The following TPX2 variants were observed in gnomAD, a reference collection of about 807,000 sequenced individuals.
TPX2 encodes TPX2 microtubule nucleation factor.
TPX2 carries 21 observed loss-of-function variants against 93.6 expected under a neutral mutation model. The ratio of observed to expected loss-of-function variants is 0.22; its 90% confidence interval spans 0.16 to 0.32. The LOEUF (loss-of-function observed/expected upper bound fraction) is 0.32. Among genes scored for constraint, TPX2 ranks in the 10% least tolerant of loss-of-function variants. The probability of loss-of-function intolerance (pLI) is 1.00; values close to 1 mark genes in which losing one functional copy is unlikely to be tolerated. For missense variants in TPX2, 776 were observed against 871.1 expected, an observed-to-expected ratio of 0.89 and a Z score of 1.37; for synonymous variants, 281 against 298.3, an observed-to-expected ratio of 0.94 and a Z score of 0.60.
chr20:31,754,054 T>C (rs2061836668), intron 2 of TPX2, among the ~76,000 whole-genome samples: 1 of 151,618 alleles, frequency 6.6e-6, no homozygotes, highest in African/African-American at 2.4e-5. Flanking sequence ...ACAACAACAA[T>C]AACAGATGTT....
At position 31,766,682 on chromosome 20, in the gene TPX2, G is replaced by GGTAA. The variant is rs779758544; in HGVS notation, c.356+2_356+5dup. 1.6e-5 allele frequency: 26 copies of GGTAA among 1,610,136 alleles called. No individual in the cohort carries two copies. The highest frequency in any genetic ancestry group is 1.7e-4 in the Middle Eastern group (1 of 6,052). ...AGAAAAACTCCAGCCCAGCCTCAGA[G>GGTAA]GTAAGACTTTGGAATCTCAAAGTGG... is the stretch of plus-strand genomic sequence containing the variant. On this transcript the variant is annotated stop_gained and frameshift_variant and splice_region_variant. Transcript: ENST00000300403. LOFTEE classifies it high-confidence loss of function.
chr20:31,788,877 T>A (rs570165534), intron 12 of TPX2, among the ~76,000 whole-genome samples: 33 of 152,272 alleles, frequency 2.2e-4, no homozygotes, highest in African/African-American at 5.5e-4. Context: ...CAGGCTTTTT[T>A]AAAATATATA....
At chr20:31,763,987 C>T (rs2061907672) in intron 4 of TPX2, among the ~76,000 whole-genome samples, 1 of 151,590 alleles carries the variant, frequency 6.6e-6, no homozygotes, top group African/African-American at 2.4e-5. Flanking sequence ...CCACTGTACT[C>T]CAGCCTGGGC....
At chr20:31,751,626 C>T (rs1028766510) in intron 2 of TPX2, among the ~76,000 whole-genome samples, 1 of 152,168 alleles carries the variant, frequency 6.6e-6, no homozygotes, top group Non-Finnish European at 1.5e-5. Flanking sequence ...GAATTAGTGA[C>T]TTGCCTATTG....
intron 2 of TPX2, among the ~76,000 whole-genome samples, chr20:31,751,439 C>T (rs2061818930): frequency 6.6e-6 from 1 of 152,062 alleles, no homozygotes; most frequent in African/African-American, 2.4e-5. Context: ...AAATTTCCTC[C>T]TTGCAGCAAG....
At chr20:31,776,360 G>A (rs932033607) in intron 8 of TPX2, among the ~76,000 whole-genome samples, 1 of 151,826 alleles carries the variant, frequency 6.6e-6, no homozygotes, top group East Asian at 2.0e-4. Flanking sequence ...GATTACAGGC[G>A]TGAGCCACCG....
intron 15 of TPX2, among the ~76,000 whole-genome samples, chr20:31,794,965 C>CG (rs2062128035): frequency 6.6e-6 from 1 of 151,612 alleles, no homozygotes; most frequent in Non-Finnish European, 1.5e-5. Flanking sequence ...GGACTACAGA[C>CG]GCCCACCACC....
chr20:31,800,816 G>A (rs1413620316), intron 17 of TPX2, among the ~76,000 whole-genome samples, 154 bp from the exon 18 acceptor site: 1 of 152,154 alleles, frequency 6.6e-6, no homozygotes, highest in Non-Finnish European at 1.5e-5. Context: ...CCATCATACC[G>A]TGTTGCCCCC....
At chr20:31,767,795 A>G (rs1205406406) in intron 5 of TPX2, among the ~76,000 whole-genome samples, 1 of 151,762 alleles carries the variant, frequency 6.6e-6, no homozygotes, top group Non-Finnish European at 1.5e-5. Context: ...CAAGCAATCC[A>G]CCCACCTATG....
At chr20:31,766,758 A>T in intron 5 of TPX2, 76 bp downstream of exon 5, 27 of 1,151,358 alleles carry the variant, frequency 2.3e-5, no homozygotes, top group Non-Finnish European at 3.1e-5. Context: ...AACATCTATT[A>T]TGTGTCTATA....
chr20:31,763,367 A>T (rs2061902312), intron 4 of TPX2, among the ~76,000 whole-genome samples: 1 of 152,060 alleles, frequency 6.6e-6, no homozygotes, highest in African/African-American at 2.4e-5. Context: ...TTTAATAGAG[A>T]TGGAGTTTCA....
At chr20:31,798,283 TG>T in intron 16 of TPX2, 81 bp from the exon 17 acceptor site, 1 of 1,549,070 alleles carries the variant, frequency 6.5e-7, no homozygotes. Flanking sequence ...TGTGCATGTC[TG>T]TGCCACTTGC....
chr20:31,775,398 A>G (rs541658131), intron 7 of TPX2, among the ~76,000 whole-genome samples: 3 of 148,996 alleles, frequency 2.0e-5, no homozygotes, highest in Non-Finnish European at 4.5e-5. Context: ...TTTTTTTGAG[A>G]TGGAGTCTCG....
chr20:31,776,595 C>T (rs549154304), intron 8 of TPX2, among the ~76,000 whole-genome samples: 61 of 151,440 alleles, frequency 4.0e-4, no homozygotes, highest in Non-Finnish European at 5.0e-4. Context: ...GCGTGATCTC[C>T]GCTCAACACA....
At chr20:31,753,855 A>G (rs901734468) in intron 2 of TPX2, among the ~76,000 whole-genome samples, 1 of 152,084 alleles carries the variant, frequency 6.6e-6, no homozygotes. Context: ...GTGAAACCCC[A>G]TCTCTACTAA....
In TPX2 at chr20:31,766,579, G is replaced by A. The variant is rs1368516243; in HGVS notation, c.253G>A (p.Ala85Thr). The part of the protein sequence containing the change: ...KPVDNTYYKE[A>T]EKENLVEQSI... ...AGTTGACAACACTTACTACAAAGAG[G>A]CAGAAAAAGAAAATCTTGTGGAACA... is the stretch of plus-strand genomic sequence containing the variant. Residue 85 changes from alanine (A) to threonine (T), a missense_variant, in exon 5 of 18, where the codon GCA becomes ACA. By Grantham distance (58) the Ala-to-Thr change is moderately conservative (BLOSUM62 0). Around this residue, in one of 3 missense-constraint regions of TPX2, gnomAD observed 279 missense variants for 261.6 expected, o/e 1.07. Transcript: ENST00000300403. The A allele has an allele frequency of 1.2e-6, 2 of 1,609,862 alleles. No homozygotes were observed. The highest frequency in any genetic ancestry group is 2.2e-5 in the South Asian group (2 of 90,832).
chr20:31,750,575 C>T (rs1327898981), intron 2 of TPX2, among the ~76,000 whole-genome samples: 2 of 151,966 alleles, frequency 1.3e-5, no homozygotes, highest in East Asian at 1.9e-4. Flanking sequence ...AAGCGATTCT[C>T]CTGCCTCAGC....
intron 6 of TPX2, 45 bp from the exon 7 acceptor site, chr20:31,771,515 G>A: frequency 6.3e-7 from 1 of 1,595,406 alleles, no homozygotes; most frequent in Non-Finnish European, 8.5e-7. Flanking sequence ...TACAGGCTAT[G>A]CTTCAGGGAA....
At chr20:31,769,028 C>T (rs567354382) in intron 5 of TPX2, among the ~76,000 whole-genome samples, 6 of 152,218 alleles carry the variant, frequency 3.9e-5, no homozygotes, top group East Asian at 1.9e-4. Context: ...TGTGAATTGT[C>T]GTGGTTGAAT....
Sources: allele counts gnomAD v4.1 joint callset (sites outside exome capture counted in the v4.1 genomes callset), GRCh38; gene constraint gnomAD v4.1.1; regional missense constraint gnomAD v4.1.1; transcripts MANE v1.5; gene names NCBI Gene and HGNC (gene_info 2026-07-23, HGNC 2026-07-21).